Variants in KDM7A observed in about 807,000 individuals in gnomAD.
KDM7A encodes the protein lysine-specific demethylase 7A.
Under a neutral mutation model 114.8 loss-of-function variants are expected in KDM7A, and 28 were observed. The observed-to-expected ratio is 0.24, with a 90% confidence interval of 0.18 to 0.33. The LOEUF (loss-of-function observed/expected upper bound fraction) is 0.33, where lower values mean the gene tolerates loss of function less well. KDM7A is among the 10% of genes least tolerant of loss of function. The pLI is 1.00. For synonymous variants in KDM7A, 423 were observed against 397.8 expected (o/e 1.06, Z -0.75); for missense variants, 942 against 1,142.5 (o/e 0.82, Z 2.53).
chr7:140,107,041 C>G (rs1345492621), intron 11 of KDM7A, among the ~76,000 whole-genome samples: 2 of 152,108 alleles, frequency 1.3e-5, no homozygotes, highest in Non-Finnish European at 2.9e-5. Context: ...TTCTTTGTCT[C>G]TTTTGATCTT....
intron 6 of KDM7A, 103 bp downstream of exon 6, chr7:140,126,531 AAAC>A: frequency 1.6e-6 from 1 of 617,362 alleles, no homozygotes; most frequent in African/African-American, 1.9e-5. Context: ...AAAAAAAAAA[AAAC>A]TTCCCCCTTT....
In KDM7A at chr7:140,157,049, A is replaced by G. The variant is rs558449811; in HGVS notation, c.195-17859T>C. Among the ~76,000 whole-genome samples the G allele has an allele frequency of 9.2e-5, 14 of 152,346 alleles. No individual in the cohort carries two copies. In the South Asian group the frequency reaches 2.9e-3, roughly 32 times the overall value. ...TGGCATAATAAATAGTTACAGGTAA[A>G]TAGGTACAGGTTCAGTAAATAATAC... On this transcript the variant is annotated intron_variant, in intron 1 of 19. Coordinates refer to ENST00000397560, the MANE Select transcript of KDM7A (RefSeq NM_030647.2).
intron 9 of KDM7A, among the ~76,000 whole-genome samples, chr7:140,115,201 C>CTG (rs1562950337): frequency 1.9e-4 from 29 of 151,226 alleles, no homozygotes; most frequent in African/African-American, 6.8e-4. Context: ...CAGCCAGCCG[C>CTG]CCCGTCCGGG....
chr7:140,135,478 C>G (rs917649889), intron 2 of KDM7A, among the ~76,000 whole-genome samples: 5 of 152,204 alleles, frequency 3.3e-5, no homozygotes, highest in Middle Eastern at 3.4e-3. Flanking sequence ...TAGGATTACA[C>G]GTGTGAGCCA....
Position 140,098,987 on chromosome 7 carries a change from T to C in KDM7A, c.1810A>G (p.Ser604Gly), listed in dbSNP as rs757499754. Residue 604 changes from serine to glycine, a missense_variant, in exon 14 of 20, where the codon AGT (serine) becomes GGT (glycine). By Grantham distance (56) the Ser-to-Gly change is moderately conservative (BLOSUM62 0). This residue lies in a region of KDM7A where 512 missense variants were observed against 576.6 expected (regional missense o/e 0.89). Coordinates refer to ENST00000397560, the MANE Select transcript of KDM7A (RefSeq NM_030647.2). ...FADQSLYTAD[S>G]ENEEDKRRTK... ...CTTCTTTTATCCTCTTCATTTTCACTATCTGCTGTATAAAGACTTTGATCT... is the reference window on the plus strand; with the variant it reads ...CTTCTTTTATCCTCTTCATTTTCACCATCTGCTGTATAAAGACTTTGATCT... 2 of 1,613,320 alleles carry C rather than the reference T, an allele frequency of 1.2e-6. No individual in the cohort carries two copies. Among genetic ancestry groups the C allele is most frequent in the African/African-American group, 2.7e-5 (2 of 75,030 alleles).
At chr7:140,127,830 T>C (rs143326781) in intron 4 of KDM7A, among the ~76,000 whole-genome samples, 4 of 152,310 alleles carry the variant, frequency 2.6e-5, no homozygotes, top group Non-Finnish European at 5.9e-5. Context: ...AATATAAAAG[T>C]GTATATGGCT....
chr7:140,100,687 T>TATATATATATATATATATATACAC (rs1562945948), intron 12 of KDM7A, among the ~76,000 whole-genome samples: 3 of 40,920 alleles, frequency 7.3e-5, no homozygotes, highest in Non-Finnish European at 1.3e-4. Context: ...TATACATATA[T>TATATATATATATATATATATACAC]ACATATATAT....
Position 140,119,121 on chromosome 7 carries a change from G to A in KDM7A, c.1238C>T (p.Thr413Ile), listed in dbSNP as rs1818578634. ...CWFVAKNLLE[T>I]LKELREDGFQ... ...TGCAAATTATTAATTACCTTTCAGG[G>A]TTTCCAGCAAGTTTTTGGCTACAAA... Residue 413 changes from threonine (T) to isoleucine (I), a missense_variant, in exon 9 of 20, where the codon ACC (threonine) becomes ATC (isoleucine). By Grantham distance (89) the Thr-to-Ile change is moderately conservative. Coordinates refer to ENST00000397560, the MANE Select transcript of KDM7A (RefSeq NM_030647.2). The A allele has an allele frequency of 1.9e-6, 3 of 1,588,032 alleles. No individual in the cohort carries two copies. The highest frequency in any genetic ancestry group is 1.7e-6 in the Non-Finnish European group (2 of 1,159,174).
At chr7:140,155,317 G>A (rs2116841623) in intron 1 of KDM7A, among the ~76,000 whole-genome samples, 1 of 152,272 alleles carries the variant, frequency 6.6e-6, no homozygotes, top group African/African-American at 2.4e-5. Context: ...TTTTCTTCTA[G>A]ATAAGATTAC....
At chr7:140,163,306 AACAG>A (rs1051330919) in intron 1 of KDM7A, among the ~76,000 whole-genome samples, 52 of 143,218 alleles carry the variant, frequency 3.6e-4, no homozygotes, top group African/African-American at 1.4e-3. Context: ...AGGTCTTTTT[AACAG>A]ACAGTCTTGC....
intron 11 of KDM7A, among the ~76,000 whole-genome samples, chr7:140,102,910 C>T (rs1193242468): frequency 1.3e-5 from 2 of 152,102 alleles, no homozygotes; most frequent in Non-Finnish European, 2.9e-5. Context: ...TCCTCTTCCC[C>T]ATCCCTCTCA....
chr7:140,163,858 A>G (rs1021442104), intron 1 of KDM7A, among the ~76,000 whole-genome samples: 1 of 152,168 alleles, frequency 6.6e-6, no homozygotes, highest in Non-Finnish European at 1.5e-5. Flanking sequence ...GTAACCAAAG[A>G]CTAGATAAAA....
chr7:140,121,475 A>C (rs888049706), intron 7 of KDM7A, among the ~76,000 whole-genome samples: 4 of 152,214 alleles, frequency 2.6e-5, no homozygotes, highest in Middle Eastern at 3.2e-3. Flanking sequence ...AAAGGCACAA[A>C]GCCTTGAGCT....
rs1252824076 is a variant in KDM7A at position 140,126,732 on chromosome 7, A to G, written c.793T>C (p.Phe265Leu). 2 of 1,614,040 alleles carry G rather than the reference A, an allele frequency of 1.2e-6. No homozygotes were observed. Among genetic ancestry groups the G allele is most frequent in the Admixed American group, 3.3e-5 (2 of 60,018 alleles). ...CCCATTAAGCAATATTTCTGAACAAATGGCTTGGGAAAGACTGAATCATCT... is the reference window on the plus strand; with the variant it reads ...CCCATTAAGCAATATTTCTGAACAAGTGGCTTGGGAAAGACTGAATCATCT... ...WPDDSVFPKP[F>L]VQKYCLMGVQ... The change falls in exon 6 of 20, where the codon TTT becomes CTT. Residue 265 changes from phenylalanine to leucine, a missense_variant. Coordinates refer to ENST00000397560, the MANE Select transcript of KDM7A (RefSeq NM_030647.2).
At chr7:140,123,397 C>T (rs1037614781) in intron 7 of KDM7A, among the ~76,000 whole-genome samples, 1 of 152,170 alleles carries the variant, frequency 6.6e-6, no homozygotes, top group African/African-American at 2.4e-5. Context: ...ATGTTCGAAG[C>T]AGCACCATTC....
intron 1 of KDM7A, among the ~76,000 whole-genome samples, chr7:140,160,969 T>C (rs1210042953): frequency 6.6e-6 from 1 of 151,504 alleles, no homozygotes; most frequent in Non-Finnish European, 1.5e-5. Context: ...ATAAAGAAAA[T>C]AAGGACAGGC....
chr7:140,119,289 GAAAAT>G (rs1818581270), intron 8 of KDM7A, 70 bp from the exon 9 acceptor site: 2 of 818,232 alleles, frequency 2.4e-6, no homozygotes. Flanking sequence ...TAACCAACTG[GAAAAT>G]AAAATAACCA....
intron 1 of KDM7A, among the ~76,000 whole-genome samples, chr7:140,146,843 A>G (rs1375463493): frequency 6.6e-6 from 1 of 152,150 alleles, no homozygotes; most frequent in African/African-American, 2.4e-5. Flanking sequence ...TGAATTAATG[A>G]CTAACCGAAA....
At chr7:140,094,027 C>T (rs926090387) in intron 18 of KDM7A, 29 bp downstream of exon 18, 8 of 1,277,278 alleles carry the variant, frequency 6.3e-6, no homozygotes, top group African/African-American at 1.5e-5. Flanking sequence ...TTTTAAATCT[C>T]CTTTTAACGT....
Sources: gnomAD v4.1 joint callset for allele counts (sites outside exome capture counted in the v4.1 genomes callset) on GRCh38, gnomAD v4.1.1 for gene constraint, gnomAD v4.1.1 regional missense constraint, MANE v1.5 for transcripts, NCBI Gene and HGNC (gene_info 2026-07-23, HGNC 2026-07-21) for gene names.